ASTN2: variants seen among roughly 807,000 people sequenced by gnomAD.
ASTN2 encodes the protein astrotactin-2.
Under a neutral mutation model 139.8 loss-of-function variants are expected in ASTN2, and 54 were observed. The ratio of observed to expected loss-of-function variants is 0.39; its 90% CI spans 0.31 to 0.48. The LOEUF is 0.48. Ranked by LOEUF, ASTN2 falls within the 20% of genes least tolerant of loss-of-function variation. The probability of loss-of-function intolerance (pLI) is 0.95; values close to 1 mark genes in which losing one functional copy is unlikely to be tolerated. For synonymous variants in ASTN2, 756 were observed against 719.5 expected, an observed-to-expected ratio of 1.05 and a Z score of -0.81; for missense variants, 1,565 against 1,725.1, an observed-to-expected ratio of 0.91 and a Z score of 1.64.
intron 10 of ASTN2, among the ~76,000 whole-genome samples, chr9:116,949,409 G>T (rs1302083626): frequency 1.0e-5 from 1 of 100,302 alleles, no homozygotes; most frequent in Admixed American, 1.3e-4. Context: ...ATATACTAGA[G>T]AAGTACTGAC....
At chr9:116,472,729 C>A (rs908266843) in intron 20 of ASTN2, among the ~76,000 whole-genome samples, 3 of 151,032 alleles carry the variant, frequency 2.0e-5, no homozygotes, top group African/African-American at 7.3e-5. Flanking sequence ...CATAGCAAAA[C>A]CCAGTCTCTA....
At chr9:116,843,489 C>T (rs1276074494) in intron 11 of ASTN2, among the ~76,000 whole-genome samples, 3 of 151,858 alleles carry the variant, frequency 2.0e-5, no homozygotes, top group Admixed American at 2.0e-4. Flanking sequence ...GAAACCCCAT[C>T]TCTACTAAAA....
intron 10 of ASTN2, among the ~76,000 whole-genome samples, chr9:116,937,647 T>G (rs2132463756): frequency 6.6e-6 from 1 of 152,222 alleles, no homozygotes; most frequent in African/African-American, 2.4e-5. Flanking sequence ...ACTACATTAC[T>G]TTTGGGGGAG....
chr9:116,671,310 T>G (rs1011237825), intron 16 of ASTN2, among the ~76,000 whole-genome samples: 3 of 152,168 alleles, frequency 2.0e-5, no homozygotes, highest in Non-Finnish European at 4.4e-5. Flanking sequence ...AATGCTCTTT[T>G]ATAATTTAAA....
intron 1 of ASTN2, among the ~76,000 whole-genome samples, chr9:117,331,560 T>C (rs1359994196): frequency 1.3e-5 from 2 of 152,158 alleles, no homozygotes; most frequent in Non-Finnish European, 2.9e-5. Context: ...TATCCACCAA[T>C]GATACAAAAC....
chr9:116,736,532 C>T (rs904512285), intron 13 of ASTN2, among the ~76,000 whole-genome samples: 1 of 152,112 alleles, frequency 6.6e-6, no homozygotes, highest in Non-Finnish European at 1.5e-5. Context: ...TGAGCCCAGA[C>T]AGGATGCAGC....
At chr9:117,239,478 G>A (rs1021987208) in intron 2 of ASTN2, among the ~76,000 whole-genome samples, 51 of 152,316 alleles carry the variant, frequency 3.3e-4, no homozygotes, top group African/African-American at 1.2e-3. Flanking sequence ...TGTTGTCGGG[G>A]CAGCAAGTGG....
intron 1 of ASTN2, among the ~76,000 whole-genome samples, chr9:117,295,966 G>A (rs973902414): frequency 6.6e-6 from 1 of 152,010 alleles, no homozygotes. Context: ...TGTCGGAGTG[G>A]AGCAGAATGT....
At chr9:117,097,061 A>C (rs1828858596) in intron 4 of ASTN2, among the ~76,000 whole-genome samples, 1 of 152,118 alleles carries the variant, frequency 6.6e-6, no homozygotes, top group Non-Finnish European at 1.5e-5. Context: ...AAGGAAGAAC[A>C]CTCCAGTGGT....
Position 116,883,045 on chromosome 9 carries a change from A to G in ASTN2, c.1890-19312T>C, listed in dbSNP as rs565307083. 2.6e-5 allele frequency among the ~76,000 whole-genome samples: 4 copies of G among 152,320 alleles called. No homozygotes were observed. The South Asian group carries it at 8.3e-4, about 32-fold the overall frequency. On this transcript the variant is annotated intron_variant, in intron 10 of 22. Transcript: ENST00000313400. ...CCAAGTGATCACAGTAATCAGTTCT[A>G]GAGGAAAAATGAGCAATGCAGATGA... is the stretch of plus-strand genomic sequence containing the variant.
At chr9:117,025,258 A>G (rs1198473523) in intron 6 of ASTN2, among the ~76,000 whole-genome samples, 1 of 152,190 alleles carries the variant, frequency 6.6e-6, no homozygotes, top group African/African-American at 2.4e-5. Flanking sequence ...GATTAGGCTC[A>G]AAATAGTTTC....
At chr9:116,997,884 A>T (rs923743181) in intron 7 of ASTN2, among the ~76,000 whole-genome samples, 1 of 152,128 alleles carries the variant, frequency 6.6e-6, no homozygotes, top group Non-Finnish European at 1.5e-5. Context: ...CCAAAATTCC[A>T]TTGTACCTCT....
At chr9:117,168,202 T>C (rs905907520) in intron 3 of ASTN2, among the ~76,000 whole-genome samples, 7 of 151,992 alleles carry the variant, frequency 4.6e-5, no homozygotes, top group Admixed American at 1.3e-4. Context: ...CTAAGGATGA[T>C]GGATGAGCTA....
intron 10 of ASTN2, among the ~76,000 whole-genome samples, chr9:116,890,935 G>A (rs1030776536): frequency 6.6e-6 from 1 of 152,036 alleles, no homozygotes; most frequent in African/African-American, 2.4e-5. Flanking sequence ...TGGTCTCAGC[G>A]GCCTCAAGGT....
At chr9:117,230,573 C>G (rs1303962609) in intron 2 of ASTN2, among the ~76,000 whole-genome samples, 1 of 152,110 alleles carries the variant, frequency 6.6e-6, no homozygotes, top group Non-Finnish European at 1.5e-5. Context: ...TCTGGGTAGA[C>G]ATCAATTATG....
chr9:116,728,149 C>T (rs1287939123), intron 15 of ASTN2, among the ~76,000 whole-genome samples: 1 of 152,052 alleles, frequency 6.6e-6, no homozygotes, highest in East Asian at 1.9e-4. Flanking sequence ...TTTAAAAATT[C>T]CTCCATCATA....
chr9:116,462,788 ATG>A lies in ASTN2; in HGVS notation c.3498-20237_3498-20236del, dbSNP rs55926547. Among the ~76,000 whole-genome samples, 1,254 of 146,156 alleles carry A rather than the reference ATG, an allele frequency of 8.6e-3. 5 individuals carry two copies. The highest frequency in any genetic ancestry group is 0.019 in the East Asian group (90 of 4,814). On this transcript the variant is annotated intron_variant, in intron 20 of 22. Coordinates refer to ENST00000313400, the MANE Select transcript of ASTN2 (RefSeq NM_001365068.1). The stretch of plus-strand genomic sequence containing the variant: ...CTTTAAGGGTAAGTGTTGGGTGAGC[ATG>A]TGTGTGTGTGTGTGTGTGTGTGTGT...
intron 11 of ASTN2, among the ~76,000 whole-genome samples, chr9:116,842,975 C>A (rs1832308488): frequency 6.6e-6 from 1 of 152,192 alleles, no homozygotes; most frequent in South Asian, 2.1e-4. Flanking sequence ...AGCACCTGTT[C>A]TCTGCAGGGT....
intron 5 of ASTN2, among the ~76,000 whole-genome samples, chr9:117,059,374 G>T (rs1302366024): frequency 1.3e-5 from 2 of 152,142 alleles, no homozygotes; most frequent in Admixed American, 1.3e-4. Flanking sequence ...AGCACTTTGG[G>T]AGGCCAAGGT....
Sources: allele counts gnomAD v4.1 joint callset (sites outside exome capture counted in the v4.1 genomes callset), GRCh38; gene constraint gnomAD v4.1.1; transcripts MANE v1.5; gene names NCBI Gene and HGNC (gene_info 2026-07-23, HGNC 2026-07-21).